The following ZCCHC7 variants were observed in gnomAD, a reference collection of about 807,000 sequenced individuals.
ZCCHC7 encodes the protein zinc finger CCHC-type containing 7.
A neutral mutation model predicts 52.0 loss-of-function variants in ZCCHC7; 35 were observed. That is an observed-to-expected ratio of 0.67 (90% confidence interval 0.51 to 0.89). ZCCHC7 has a LOEUF of 0.89. ZCCHC7 is among the 40% of genes least tolerant of loss of function. The pLI is 0.00. For missense variants in ZCCHC7, 574 were observed against 649.1 expected, an observed-to-expected ratio of 0.88 and a Z score of 1.26; for synonymous variants, 217 against 221.5, an observed-to-expected ratio of 0.98 and a Z score of 0.18.
intron 5 of ZCCHC7, among the ~76,000 whole-genome samples, chr9:37,312,699 G>A (rs1829651151): frequency 6.6e-6 from 1 of 152,180 alleles, no homozygotes; most frequent in Admixed American, 6.5e-5. Flanking sequence ...AAATCTGGAG[G>A]ACTGCCTGAG....
intron 2 of ZCCHC7, among the ~76,000 whole-genome samples, chr9:37,207,064 T>G (rs1463599385): frequency 1.3e-5 from 2 of 152,106 alleles, no homozygotes; most frequent in African/African-American, 2.4e-5. Context: ...AGTTTGAGGC[T>G]ACAGTGAGCT....
intron 2 of ZCCHC7, among the ~76,000 whole-genome samples, chr9:37,231,209 G>T (rs1018376161): frequency 3.9e-5 from 6 of 152,174 alleles, no homozygotes; most frequent in Non-Finnish European, 8.8e-5. Flanking sequence ...GCCTCCCAAA[G>T]TATTGAGATT....
chr9:37,291,532 T>C (rs1456082212), intron 2 of ZCCHC7, among the ~76,000 whole-genome samples: 1 of 152,198 alleles, frequency 6.6e-6, no homozygotes, highest in African/African-American at 2.4e-5. Context: ...TTCTATCAAA[T>C]GGGCAAATGC....
rs552686516 is a variant in ZCCHC7 at position 37,306,543 on chromosome 9, G to A, written c.951+829G>A. ...TGCAGTGGCGTGATCTCAGCTAACT[G>A]CAACCTCCAACTCCTGGGTTCAAGC... On this transcript the variant is annotated intron_variant, in intron 5 of 8. Transcript: ENST00000336755. 2.6e-5 allele frequency among the ~76,000 whole-genome samples: 4 copies of A among 150,988 alleles called. No individual in the cohort carries two copies. In the East Asian group the frequency reaches 7.8e-4, roughly 29 times the overall value.
At chr9:37,269,395 A>T (rs1827276245) in intron 2 of ZCCHC7, among the ~76,000 whole-genome samples, 4 of 152,088 alleles carry the variant, frequency 2.6e-5, no homozygotes, top group Admixed American at 2.6e-4. Flanking sequence ...AGGCTGAGGC[A>T]GGAGGATCAC....
At chr9:37,237,489 A>G (rs894142581) in intron 2 of ZCCHC7, among the ~76,000 whole-genome samples, 78 of 152,222 alleles carry the variant, frequency 5.1e-4, no homozygotes, top group African/African-American at 1.8e-3. Context: ...TTAAAAAGCT[A>G]TTCTTTAAAA....
intron 5 of ZCCHC7, chr9:37,326,001 T>C (rs1220356502): frequency 6.6e-6 from 1 of 152,244 alleles, no homozygotes; most frequent in Non-Finnish European, 1.5e-5. Flanking sequence ...ATTCTGCCAG[T>C]GTATGACAAC....
chr9:37,256,130 G>A (rs141074570), intron 2 of ZCCHC7, among the ~76,000 whole-genome samples: 1 of 152,236 alleles, frequency 6.6e-6, no homozygotes, highest in African/African-American at 2.4e-5. Flanking sequence ...CAGCAGCCTT[G>A]TAGAACCTGC....
At chr9:37,201,484 GCTTT>G (rs1481770115) in intron 2 of ZCCHC7, among the ~76,000 whole-genome samples, 1 of 152,176 alleles carries the variant, frequency 6.6e-6, no homozygotes. Flanking sequence ...AAATATTAGA[GCTTT>G]ATTGAGGAGG....
intron 2 of ZCCHC7, chr9:37,187,059 A>C (rs1822701131): frequency 5.6e-6 from 1 of 177,000 alleles, no homozygotes; most frequent in African/African-American, 2.3e-5. Context: ...TTACTGGCAT[A>C]AAATGTGTAT....
At chr9:37,329,848 C>G (rs189508447) in intron 6 of ZCCHC7, among the ~76,000 whole-genome samples, 1 of 151,910 alleles carries the variant, frequency 6.6e-6, no homozygotes, top group East Asian at 1.9e-4. Context: ...GTAATGAAGC[C>G]TCAGTTAGAA....
chr9:37,280,254 C>T (rs1827890807), intron 2 of ZCCHC7, among the ~76,000 whole-genome samples: 3 of 152,130 alleles, frequency 2.0e-5, no homozygotes, highest in East Asian at 1.9e-4. Context: ...AAAGGATCTC[C>T]TCATCATAGA....
At chr9:37,291,603 T>A (rs939476663) in intron 2 of ZCCHC7, among the ~76,000 whole-genome samples, 1 of 152,088 alleles carries the variant, frequency 6.6e-6, no homozygotes, top group Non-Finnish European at 1.5e-5. Context: ...AAATGAAAAA[T>A]TTTTTTTCAA....
At chr9:37,333,224 A>G (rs900665669) in intron 6 of ZCCHC7, among the ~76,000 whole-genome samples, 4 of 151,652 alleles carry the variant, frequency 2.6e-5, no homozygotes, top group Non-Finnish European at 5.9e-5. Flanking sequence ...GCCTTCACTC[A>G]ATTTAGGAAA....
At chr9:37,181,112 GT>G (rs929368416) in intron 2 of ZCCHC7, among the ~76,000 whole-genome samples, 5 of 151,212 alleles carry the variant, frequency 3.3e-5, no homozygotes, top group African/African-American at 7.3e-5. Context: ...ACTTTGTGTA[GT>G]TTTTTTTTAG....
At chr9:37,286,351 A>G (rs1828206249) in intron 2 of ZCCHC7, among the ~76,000 whole-genome samples, 1 of 152,104 alleles carries the variant, frequency 6.6e-6, no homozygotes, top group African/African-American at 2.4e-5. Context: ...CCTTTATAAG[A>G]TTGTTATGAG....
intron 2 of ZCCHC7, among the ~76,000 whole-genome samples, chr9:37,210,127 C>T (rs1364593512): frequency 1.3e-5 from 2 of 152,046 alleles, no homozygotes; most frequent in Non-Finnish European, 2.9e-5. Flanking sequence ...GCTTGATTGT[C>T]TTCCCTCTAG....
chr9:37,353,856 T>TA (rs1285279664), intron 7 of ZCCHC7, among the ~76,000 whole-genome samples: 4 of 152,198 alleles, frequency 2.6e-5, no homozygotes, highest in Admixed American at 2.6e-4. Context: ...CATTTTAAAG[T>TA]AACTTTTAGG....
At chr9:37,128,798 T>C (rs1842645623) in intron 2 of ZCCHC7, among the ~76,000 whole-genome samples, 1 of 152,224 alleles carries the variant, frequency 6.6e-6, no homozygotes, top group East Asian at 1.9e-4. Flanking sequence ...TGAACTCACT[T>C]TGAAGGATTC....
Sources: gnomAD v4.1 joint callset for allele counts (sites outside exome capture counted in the v4.1 genomes callset) on GRCh38, gnomAD v4.1.1 for gene constraint, MANE v1.5 for transcripts, NCBI Gene and HGNC (gene_info 2026-07-23, HGNC 2026-07-21) for gene names.